The following UGT1A8 variants were observed in gnomAD, a reference collection of about 807,000 sequenced individuals.
The protein encoded by UGT1A8 is UDP-glucuronosyltransferase 1A8.
UGT1A8 carries 39 observed loss-of-function variants against 45.3 expected under a neutral mutation model. The observed-to-expected ratio is 0.86, with a 90% CI of 0.67 to 1.12. The LOEUF (loss-of-function observed/expected upper bound fraction) is 1.12. UGT1A8 is among the 50% of genes most tolerant of loss of function. The probability of loss-of-function intolerance (pLI) is 0.00; values close to 1 mark genes in which losing one functional copy is unlikely to be tolerated. For synonymous variants in UGT1A8, 275 were observed against 249.2 expected (o/e 1.10, Z -0.97); for missense variants, 719 against 664.9 (o/e 1.08, Z -0.90).
At chr2:233,689,448 G>A (rs2074943305) in intron 1 of UGT1A8, among the ~76,000 whole-genome samples, 1 of 152,146 alleles carries the variant, frequency 6.6e-6, no homozygotes, top group Non-Finnish European at 1.5e-5. Context: ...TAAGAGCAAG[G>A]ATACATTTTA....
intron 1 of UGT1A8, among the ~76,000 whole-genome samples, chr2:233,630,348 G>A (rs1293221869): frequency 6.6e-6 from 1 of 152,134 alleles, no homozygotes; most frequent in East Asian, 1.9e-4. Flanking sequence ...GAGGTTGTCT[G>A]CAGAATCTCT....
intron 1 of UGT1A8, among the ~76,000 whole-genome samples, chr2:233,652,285 T>G (rs1486820161): frequency 6.6e-6 from 1 of 152,228 alleles, no homozygotes; most frequent in Non-Finnish European, 1.5e-5. Context: ...TTGTCAAAGT[T>G]TTCAAATGTA....
At chr2:233,683,966 G>A (rs2074657666) in intron 1 of UGT1A8, among the ~76,000 whole-genome samples, 1 of 152,090 alleles carries the variant, frequency 6.6e-6, no homozygotes, top group Non-Finnish European at 1.5e-5. Flanking sequence ...ATTAGGATTT[G>A]GTCACTTGCA....
intron 1 of UGT1A8, chr2:233,691,242 A>T (rs1483336353): frequency 4.5e-5 from 44 of 985,382 alleles, no homozygotes; most frequent in Non-Finnish European, 4.9e-5. Context: ...TGCTATCTAG[A>T]TGAACTCAAA....
In UGT1A8 at chr2:233,692,887, G is replaced by A. The variant is rs564129992; in HGVS notation, c.856-74147G>A. 4.6e-6 allele frequency: 7 copies of A among 1,518,050 alleles called. No individual in the cohort carries two copies. The South Asian group carries it at 5.5e-5, about 12-fold the overall frequency. 94.0% of individuals were successfully genotyped at this position (1,518,050 alleles called of 1,614,324 possible). ...TATCAAAGGGTAAAATTCAGAGCAAGGGAGAGGTAGACAGGACCTGTGAAA... is the reference window on the plus strand; with the variant it reads ...TATCAAAGGGTAAAATTCAGAGCAAAGGAGAGGTAGACAGGACCTGTGAAA... On this transcript the variant is annotated intron_variant, in intron 1 of 4. Coordinates refer to ENST00000373450, the MANE Select transcript of UGT1A8 (RefSeq NM_019076.5).
intron 1 of UGT1A8, among the ~76,000 whole-genome samples, chr2:233,740,131 G>A (rs1211321915): frequency 6.6e-6 from 1 of 151,860 alleles, no homozygotes; most frequent in East Asian, 1.9e-4. Context: ...CTTCTGTCAT[G>A]ATTGTAAGTT....
chr2:233,637,550 A>C (rs1464732109), intron 1 of UGT1A8, among the ~76,000 whole-genome samples: 3 of 152,230 alleles, frequency 2.0e-5, no homozygotes, highest in Non-Finnish European at 4.4e-5. Flanking sequence ...AATTTTATAA[A>C]ACTGCCCTTC....
intron 1 of UGT1A8, among the ~76,000 whole-genome samples, chr2:233,640,023 G>A (rs975969344): frequency 3.3e-5 from 5 of 152,174 alleles, no homozygotes; most frequent in African/African-American, 1.2e-4. Context: ...TCCATGGTAG[G>A]TGCAGCTCTG....
At chr2:233,701,416 T>G (rs2125586525) in intron 1 of UGT1A8, among the ~76,000 whole-genome samples, 1 of 152,190 alleles carries the variant, frequency 6.6e-6, no homozygotes, top group African/African-American at 2.4e-5. Flanking sequence ...CACCCCACTG[T>G]CAACATTAGA....
intron 1 of UGT1A8, among the ~76,000 whole-genome samples, chr2:233,738,371 C>A (rs1337680224): frequency 1.3e-5 from 2 of 152,150 alleles, no homozygotes; most frequent in African/African-American, 4.8e-5. Context: ...TGCTATAAAA[C>A]TACTTGAAAA....
intron 1 of UGT1A8, among the ~76,000 whole-genome samples, chr2:233,658,221 G>A (rs1487906584): frequency 1.3e-5 from 2 of 152,090 alleles, no homozygotes; most frequent in Non-Finnish European, 2.9e-5. Context: ...GTTTCACCAT[G>A]TTGACCAGGC....
At chr2:233,713,374 G>C (rs758031379) in intron 1 of UGT1A8, 1 of 1,614,186 alleles carries the variant, frequency 6.2e-7, no homozygotes, top group Non-Finnish European at 8.5e-7. Flanking sequence ...CATAGGTCTT[G>C]TGTGGAGCTA....
chr2:233,760,246 A>G lies in UGT1A8; in HGVS notation c.856-6788A>G. 2.5e-6 allele frequency: 4 copies of G among 1,608,942 alleles called. No individual in the cohort carries two copies. In the South Asian group the frequency reaches 3.3e-5, roughly 13 times the overall value. On this transcript the variant is annotated intron_variant, in intron 1 of 4. Coordinates refer to ENST00000373450, the MANE Select transcript of UGT1A8 (RefSeq NM_019076.5). ...ATTGGTTTTTGCCATATATATATAT[A>G]TAAGTAGGAGAGGGCGAACCTCTGG...
At chr2:233,636,516 T>C in intron 1 of UGT1A8, 3 of 1,608,792 alleles carry the variant, frequency 1.9e-6, no homozygotes, top group Non-Finnish European at 2.6e-6. Flanking sequence ...CGGGCTGCAG[T>C]TCTCTCATGG....
intron 1 of UGT1A8, among the ~76,000 whole-genome samples, chr2:233,721,302 G>A (rs541150498): frequency 1.8e-4 from 27 of 152,234 alleles, no homozygotes; most frequent in African/African-American, 6.5e-4. Flanking sequence ...CATTTGAATA[G>A]TGATTGTGGC....
chr2:233,743,340 A>AGTCGAC, intron 1 of UGT1A8: 1 of 778,214 alleles, frequency 1.3e-6, no homozygotes, highest in Non-Finnish European at 2.0e-6. Flanking sequence ...TTTCAGTGGA[A>AGTCGAC]GTCGACATGG....
chr2:233,724,487 G>GT (rs1420633653), intron 1 of UGT1A8, among the ~76,000 whole-genome samples: 1 of 75,448 alleles, frequency 1.3e-5, no homozygotes, highest in African/African-American at 5.0e-5. Flanking sequence ...CTCAGACGGG[G>GT]CGGCCGGGCA....
In UGT1A8 at chr2:233,767,042, AGCCTACATTAAT is replaced by A; in HGVS notation, c.867_878del (p.Tyr290_Ala293del). The A allele has an allele frequency of 6.2e-7, 1 of 1,614,104 alleles. No individual in the cohort carries two copies. The highest frequency in any genetic ancestry group is 8.5e-7 in the Non-Finnish European group (1 of 1,179,998). ...TTTTCTTCTGGCTCTAGGAATTTGA[AGCCTACATTAAT>A]GCTTCTGGAGAACATGGAATTGTGG... On this transcript the variant is annotated inframe_deletion, in exon 2 of 5. Coordinates refer to ENST00000373450, the MANE Select transcript of UGT1A8 (RefSeq NM_019076.5).
chr2:233,666,193 T>G (rs1045539393), intron 1 of UGT1A8, among the ~76,000 whole-genome samples: 3 of 152,070 alleles, frequency 2.0e-5, no homozygotes, highest in Non-Finnish European at 4.4e-5. Flanking sequence ...TAATAATCAG[T>G]TCTTGCTGAA....
Sources: allele counts gnomAD v4.1 joint callset (sites outside exome capture counted in the v4.1 genomes callset), GRCh38; gene constraint gnomAD v4.1.1; transcripts MANE v1.5; gene names NCBI Gene and HGNC (gene_info 2026-07-23, HGNC 2026-07-21).